The following GAB1 variants were observed in gnomAD, a reference collection of about 807,000 sequenced individuals.
The protein encoded by GAB1 is GRB2 associated binding protein 1.
GAB1 carries 19 observed loss-of-function variants against 66.5 expected under a neutral mutation model. That is an observed-to-expected ratio of 0.29 (90% CI 0.20 to 0.42). GAB1 has a LOEUF of 0.42. Among genes scored for constraint, GAB1 ranks in the 10% least tolerant of loss-of-function variants. The pLI, the probability that GAB1 is intolerant of heterozygous loss-of-function variation, is 1.00. For synonymous variants in GAB1, 294 were observed against 301.4 expected (o/e 0.98, Z 0.25); for missense variants, 732 against 858.5 (o/e 0.85, Z 1.84).
intron 6 of GAB1, among the ~76,000 whole-genome samples, chr4:143,452,637 T>C (rs1734984744): frequency 6.6e-6 from 1 of 152,220 alleles, no homozygotes; most frequent in Admixed American, 6.5e-5. Context: ...TATTTTAAAA[T>C]GTAAAATTAG....
intron 1 of GAB1, among the ~76,000 whole-genome samples, chr4:143,363,538 A>C (rs541309053): frequency 6.6e-6 from 1 of 152,330 alleles, no homozygotes; most frequent in South Asian, 2.1e-4. Flanking sequence ...GAAGAAGGAA[A>C]GTGTGGTTGG....
Position 143,470,097 on chromosome 4 carries a change from G to A in GAB1, c.*908G>A, listed in dbSNP as rs933921280. On this transcript the variant is annotated 3_prime_UTR_variant, in exon 10 of 10. Coordinates refer to ENST00000262994, the MANE Select transcript of GAB1 (RefSeq NM_002039.4). ...TTGTTAGTCCTAATATTGGTTTTCA[G>A]TTTGGAATTAATAAAGCAGTTGACA... The A allele has an allele frequency of 2.0e-5, 3 of 152,206 alleles. No individual in the cohort carries two copies. Among genetic ancestry groups the A allele is most frequent in the Non-Finnish European group, 2.9e-5 (2 of 68,030 alleles). 9.4% of individuals were successfully genotyped at this position (152,206 alleles called of 1,614,324 possible).
chr4:143,384,921 TA>T (rs2149680030), intron 1 of GAB1, among the ~76,000 whole-genome samples: 1 of 152,318 alleles, frequency 6.6e-6, no homozygotes, highest in East Asian at 1.9e-4. Context: ...TAGTGGTAAT[TA>T]AACCAATGGG....
intron 1 of GAB1, among the ~76,000 whole-genome samples, chr4:143,360,334 G>A (rs1472033863): frequency 2.0e-5 from 3 of 151,952 alleles, no homozygotes; most frequent in Non-Finnish European, 4.4e-5. Flanking sequence ...TTTTAAATTT[G>A]CTTTTATTAT....
chr4:143,445,875 G>T (rs1270202970), intron 6 of GAB1, among the ~76,000 whole-genome samples: 2 of 152,048 alleles, frequency 1.3e-5, no homozygotes, highest in Non-Finnish European at 2.9e-5. Flanking sequence ...CATGTGCCAT[G>T]CTGGTGTGCT....
At chr4:143,400,276 G>A (rs1248566522) in intron 1 of GAB1, among the ~76,000 whole-genome samples, 1 of 152,106 alleles carries the variant, frequency 6.6e-6, no homozygotes, top group Non-Finnish European at 1.5e-5. Context: ...ACATGTCCAA[G>A]TTTTGAGAAC....
chr4:143,394,706 T>C (rs138462040), intron 1 of GAB1: 5 of 152,136 alleles, frequency 3.3e-5, no homozygotes, highest in African/African-American at 4.8e-5. Flanking sequence ...TTCTTTCAAG[T>C]AGGGAAAGGA....
chr4:143,417,705 A>G (rs977168631), intron 2 of GAB1, among the ~76,000 whole-genome samples: 6 of 151,998 alleles, frequency 3.9e-5, no homozygotes, highest in African/African-American at 7.2e-5. Context: ...ACCACACCTG[A>G]CCTCGGGCAC....
In GAB1 at chr4:143,470,175, G is replaced by C. The variant is rs995362053; in HGVS notation, c.*986G>C. 1 of 152,042 alleles carries C rather than the reference G, an allele frequency of 6.6e-6. No homozygotes were observed. Among genetic ancestry groups the C allele is most frequent in the African/African-American group, 2.4e-5 (1 of 41,386 alleles). The allele number at this position is 152,042 out of a possible 1,614,324, so 9.4% of individuals were successfully genotyped here. On this transcript the variant is annotated 3_prime_UTR_variant, in exon 10 of 10. Coordinates refer to ENST00000262994, the MANE Select transcript of GAB1 (RefSeq NM_002039.4). ...TGATTTTTAATTAGATAGTAATTCA[G>C]ATTTATTACTCTATGAAATTCTGTC...
intron 1 of GAB1, among the ~76,000 whole-genome samples, chr4:143,406,060 G>A (rs911191116): frequency 2.0e-5 from 3 of 152,124 alleles, no homozygotes; most frequent in African/African-American, 7.2e-5. Flanking sequence ...TTCCTACTGT[G>A]ACTAATCATC....
intron 1 of GAB1, chr4:143,382,146 C>G (rs1414632735): frequency 6.6e-6 from 1 of 152,146 alleles, no homozygotes; most frequent in African/African-American, 2.4e-5. Flanking sequence ...TGTCATTTGG[C>G]TTATTCTTTG....
chr4:143,423,412 C>T (rs997753253), intron 2 of GAB1, among the ~76,000 whole-genome samples: 7 of 152,066 alleles, frequency 4.6e-5, no homozygotes, highest in African/African-American at 1.7e-4. Flanking sequence ...GTGTGTAAGT[C>T]TTCAGCTGGG....
chr4:143,353,611 C>A (rs1246318316), intron 1 of GAB1, among the ~76,000 whole-genome samples: 2 of 139,372 alleles, frequency 1.4e-5, no homozygotes, highest in Admixed American at 7.2e-5. Flanking sequence ...TTTTTTTTGA[C>A]ATATTATTTC....
intron 1 of GAB1, among the ~76,000 whole-genome samples, chr4:143,351,136 C>T (rs1581216472): frequency 6.6e-6 from 1 of 152,316 alleles, no homozygotes; most frequent in South Asian, 2.1e-4. Flanking sequence ...CTATAGGCAG[C>T]TTGTGTTAAC....
chr4:143,337,936 TG>T (rs541133439), intron 1 of GAB1, among the ~76,000 whole-genome samples: 2 of 151,964 alleles, frequency 1.3e-5, no homozygotes, highest in Non-Finnish European at 2.9e-5. Flanking sequence ...AGGAGGGCGC[TG>T]GGGGGGAGCC....
chr4:143,388,478 G>A (rs575972657), intron 1 of GAB1, among the ~76,000 whole-genome samples: 5 of 152,304 alleles, frequency 3.3e-5, no homozygotes, highest in Admixed American at 2.0e-4. Context: ...GCAGTAGAGC[G>A]ATCTCGGCTC....
chr4:143,460,520 C>A (rs1388398275), intron 8 of GAB1, 33 bp downstream of exon 8: 1 of 1,602,572 alleles, frequency 6.2e-7, no homozygotes. Flanking sequence ...CCTTTCTGAG[C>A]AGCCCTTTTC....
intron 1 of GAB1, among the ~76,000 whole-genome samples, chr4:143,361,915 G>T (rs115536265): frequency 2.5e-4 from 38 of 150,274 alleles, no homozygotes; most frequent in African/African-American, 4.2e-4. Context: ...GTTGTGTGTG[G>T]TTTTTTTTTG....
Position 143,375,924 on chromosome 4 carries a change from A to G in GAB1, c.72+38664A>G, listed in dbSNP as rs530063056. ...GCAGGCATTGCCAAGTGTGCCCTGG[A>G]GGCAAAATAGCCGCCCCCTAATTGA... On this transcript the variant is annotated intron_variant, in intron 1 of 9. Coordinates refer to ENST00000262994, the MANE Select transcript of GAB1 (RefSeq NM_002039.4). Among the ~76,000 whole-genome samples, 3 of 152,204 alleles carry G rather than the reference A, an allele frequency of 2.0e-5. No homozygotes were observed. In the South Asian group the frequency reaches 6.2e-4, roughly 32 times the overall value.
Sources: allele counts gnomAD v4.1 joint callset (sites outside exome capture counted in the v4.1 genomes callset), GRCh38; gene constraint gnomAD v4.1.1; transcripts MANE v1.5; gene names NCBI Gene and HGNC (gene_info 2026-07-23, HGNC 2026-07-21).